NSDHL: variants seen among roughly 807,000 people sequenced by gnomAD.
The protein encoded by NSDHL is sterol-4-alpha-carboxylate 3-dehydrogenase, decarboxylating.
A neutral mutation model predicts 23.0 loss-of-function variants in NSDHL; 1 was observed. The observed-to-expected ratio is 0.04, with a 90% CI of 0.02 to 0.21. NSDHL has a LOEUF of 0.21. Ranked by LOEUF, NSDHL falls within the 10% of genes least tolerant of loss-of-function variation. The pLI, the probability that NSDHL is intolerant of heterozygous loss-of-function variation, is 1.00. For missense variants in NSDHL, 237 were observed against 300.9 expected (o/e 0.79, Z 1.57); for synonymous variants, 128 against 121.1 (o/e 1.06, Z -0.37).
intron 5 of NSDHL, among the ~76,000 whole-genome samples, chrX:152,863,513 A>C (rs1161588475): frequency 8.9e-6 from 1 of 112,583 alleles, no homozygotes; most frequent in Admixed American, 9.4e-5. Flanking sequence ...TCCCTTACTT[A>C]GAAAAACAAA....
intron 1 of NSDHL, among the ~76,000 whole-genome samples, chrX:152,842,524 A>G (rs1280303583): frequency 2.7e-5 from 3 of 111,523 alleles, no homozygotes; most frequent in Admixed American, 1.9e-4. Flanking sequence ...TTTGAGACAG[A>G]GTCTTGTTCT....
At position 152,856,209 on chromosome X, in the gene NSDHL, C is replaced by T. The variant is rs186977416; in HGVS notation, c.268-2561C>T. On this transcript the variant is annotated intron_variant, in intron 3 of 7. Transcript: ENST00000370274. ...GCTGTCCATTAAGGCAGCCATTAGC[C>T]ACGTGCAACTATTGGGCACTTAAAA... is the stretch of plus-strand genomic sequence containing the variant. Among the ~76,000 whole-genome samples the T allele has an allele frequency of 4.5e-5, 5 of 111,920 alleles. No homozygotes were observed. The Admixed American group carries it at 4.7e-4, about 11-fold the overall frequency.
At chrX:152,843,033 C>T (rs1264350431) in intron 1 of NSDHL, among the ~76,000 whole-genome samples, 4 of 111,955 alleles carry the variant, frequency 3.6e-5, no homozygotes, top group African/African-American at 1.3e-4. Context: ...CACCAAAATT[C>T]TTATCTGACT....
At chrX:152,841,567 A>G (rs1556844886) in intron 1 of NSDHL, among the ~76,000 whole-genome samples, 2 of 112,299 alleles carry the variant, frequency 1.8e-5, no homozygotes, top group African/African-American at 6.5e-5. Flanking sequence ...CCAGTACAAC[A>G]TATCTCTGTT....
intron 1 of NSDHL, among the ~76,000 whole-genome samples, chrX:152,834,728 G>A (rs1035068799): frequency 1.8e-5 from 2 of 112,934 alleles, no homozygotes. Flanking sequence ...GAGGCATGAG[G>A]TGATGGGAAA....
chrX:152,835,015 G>A (rs782034119), intron 1 of NSDHL, among the ~76,000 whole-genome samples: 63 of 111,862 alleles, frequency 5.6e-4, no homozygotes, highest in Non-Finnish European at 1.0e-3. Context: ...AGGACGGGAC[G>A]CTCTCATCTC....
At chrX:152,838,259 A>G (rs1246452748) in intron 1 of NSDHL, among the ~76,000 whole-genome samples, 1 of 111,414 alleles carries the variant, frequency 9.0e-6, no homozygotes, top group African/African-American at 3.3e-5. Context: ...TCCTGGATTC[A>G]CTGATTTTTT....
At chrX:152,852,821 A>G (rs1556846464) in intron 3 of NSDHL, among the ~76,000 whole-genome samples, 2 of 110,493 alleles carry the variant, frequency 1.8e-5, no homozygotes, top group South Asian at 3.9e-4. Context: ...CACTGCCACC[A>G]GGGACCTTGA....
At chrX:152,834,606 T>A (rs1328469797) in intron 1 of NSDHL, among the ~76,000 whole-genome samples, 1 of 112,619 alleles carries the variant, frequency 8.9e-6, no homozygotes, top group African/African-American at 3.2e-5. Context: ...GCTCCTGCTT[T>A]GCTGTATTTT....
chrX:152,831,883 C>A (rs1273653227), intron 1 of NSDHL, among the ~76,000 whole-genome samples: 1 of 111,298 alleles, frequency 9.0e-6, no homozygotes, highest in African/African-American at 3.3e-5. Context: ...GAGTAAGTTT[C>A]TCAGACAGAG....
At chrX:152,844,293 C>T (rs146985204) in intron 1 of NSDHL, among the ~76,000 whole-genome samples, 2 of 112,394 alleles carry the variant, frequency 1.8e-5, no homozygotes, top group African/African-American at 6.5e-5. Context: ...GGGATTTGAA[C>T]CCAGGCAGCC....
chrX:152,865,701 A>G, intron 5 of NSDHL, 118 bp from the exon 6 acceptor site: 2 of 924,937 alleles, frequency 2.2e-6, no homozygotes, highest in East Asian at 3.1e-5. Flanking sequence ...GCCACATGCC[A>G]GCAGAGTGTG....
intron 2 of NSDHL, 47 bp from the exon 3 acceptor site, chrX:152,850,218 C>T (rs782317829): frequency 8.6e-7 from 1 of 1,165,993 alleles, no homozygotes; most frequent in Non-Finnish European, 1.2e-6. Flanking sequence ...CTGTAGCTTC[C>T]AGTCCTCACT....
chrX:152,839,126 C>CT (rs1257015157), intron 1 of NSDHL, among the ~76,000 whole-genome samples: 4 of 111,276 alleles, frequency 3.6e-5, no homozygotes, highest in Admixed American at 1.9e-4. Flanking sequence ...GCAACTTCTG[C>CT]TTTTTTTTGC....
Position 152,839,228 on chromosome X carries a change from C to T in NSDHL, c.-43-7054C>T, listed in dbSNP as rs1186944057. On this transcript the variant is annotated intron_variant, in intron 1 of 7. Transcript: ENST00000370274. ...AGATGGGTCTCCTGAATACAGCACA[C>T]TGATGGGTCTTGACTCTTTATCCAA... 2.7e-5 allele frequency among the ~76,000 whole-genome samples: 3 copies of T among 112,144 alleles called. No homozygotes were observed. The Admixed American group carries it at 2.8e-4, about 11-fold the overall frequency.
intron 1 of NSDHL, among the ~76,000 whole-genome samples, chrX:152,836,991 C>T (rs782279269): frequency 4.5e-5 from 5 of 111,535 alleles, no homozygotes; most frequent in East Asian, 2.8e-4. Context: ...AGCAATGGTT[C>T]GTAGTTCTCC....
intron 1 of NSDHL, among the ~76,000 whole-genome samples, 173 bp downstream of exon 1, chrX:152,831,290 G>A (rs2124999021): frequency 8.9e-6 from 1 of 111,948 alleles, no homozygotes; most frequent in South Asian, 3.7e-4. Flanking sequence ...GCGTGTTGGA[G>A]CAGGGACTGT....
chrX:152,868,240 C>T (rs893249351), intron 7 of NSDHL, among the ~76,000 whole-genome samples: 3 of 108,438 alleles, frequency 2.8e-5, no homozygotes, highest in East Asian at 2.9e-4. Context: ...CTGGTTCAAG[C>T]GATTCTCATG....
At chrX:152,835,207 C>T (rs977487335) in intron 1 of NSDHL, among the ~76,000 whole-genome samples, 3 of 110,287 alleles carry the variant, frequency 2.7e-5, no homozygotes, top group South Asian at 4.0e-4. Context: ...TAGGAGCAAA[C>T]GTAAGGCCTC....
Sources: allele counts gnomAD v4.1 joint callset (sites outside exome capture counted in the v4.1 genomes callset), GRCh38; gene constraint gnomAD v4.1.1; transcripts MANE v1.5; gene names NCBI Gene and HGNC (gene_info 2026-07-23, HGNC 2026-07-21).